The following SLC25A33 variants were observed in gnomAD, a reference collection of about 807,000 sequenced individuals.
SLC25A33 encodes solute carrier family 25 member 33.
In SLC25A33, 15 loss-of-function variants were observed where a neutral mutation model predicts 35.5. The ratio of observed to expected loss-of-function variants is 0.42; its 90% confidence interval spans 0.28 to 0.65. The LOEUF is 0.65. Ranked by LOEUF, SLC25A33 falls within the 30% of genes least tolerant of loss-of-function variation. The pLI, the probability that SLC25A33 is intolerant of heterozygous loss-of-function variation, is 0.20. For synonymous variants in SLC25A33, 136 were observed against 148.7 expected (o/e 0.91, Z 0.62); for missense variants, 257 against 398.5 (o/e 0.64, Z 3.02).
chr1:9,555,667 A>G (rs1356707032), intron 2 of SLC25A33, among the ~76,000 whole-genome samples: 1 of 151,876 alleles, frequency 6.6e-6, no homozygotes, highest in Non-Finnish European at 1.5e-5. Context: ...TCCAGGAGAA[A>G]TTGGGGTTTT....
chr1:9,582,688 TA>T lies in SLC25A33; in HGVS notation c.*188del. On this transcript the variant is annotated 3_prime_UTR_variant, in exon 7 of 7. Coordinates refer to ENST00000302692, the MANE Select transcript of SLC25A33 (RefSeq NM_032315.3). This position sits in a 1 kb window ranked among gnomAD's most constrained non-coding sequence, Gnocchi z 4.0. ...GAAGGTTTAAATTCATTAACGTTAA[TA>T]GTTAATTATAACTTTTTTTTTAACT... The T allele has an allele frequency of 1.7e-6, 1 of 599,836 alleles. No homozygotes were observed. The highest frequency in any genetic ancestry group is 2.9e-6 in the Non-Finnish European group (1 of 350,280). 37.2% of individuals were successfully genotyped at this position (599,836 alleles called of 1,614,324 possible). A position where few individuals can be genotyped will look rare whatever the true frequency, so the allele number is the denominator to read the frequency against.
intron 1 of SLC25A33, among the ~76,000 whole-genome samples, chr1:9,553,157 GCTGAGGTTCAACTAATTT>G (rs1043451573): frequency 4.7e-5 from 5 of 107,204 alleles, no homozygotes; most frequent in African/African-American, 1.4e-4. Flanking sequence ...CTCCCAAAGT[GCTGAGGTTCAACTAATTT>G]TATTAACCTT....
At chr1:9,573,298 G>A in intron 4 of SLC25A33, 48 bp from the exon 5 acceptor site, 1 of 1,342,002 alleles carries the variant, frequency 7.5e-7, no homozygotes, top group Non-Finnish European at 1.0e-6. Context: ...TCTTTAATAA[G>A]TATGGACTAT....
Position 9,575,212 on chromosome 1 carries a change from CAAAAAAAAAAAA to C in SLC25A33, c.482+1812_482+1823del, listed in dbSNP as rs909942057. On this transcript the variant is annotated intron_variant, in intron 5 of 6. Transcript: ENST00000302692. Reference sequence around the variant, plus strand: ...TGGGTGACAGAGCGAGACTCTGGCTCAAAAAAAAAAAAAAAAAAAAAAATAAGAACCCCTGTA... The same window carrying C: ...TGGGTGACAGAGCGAGACTCTGGCTCAAAAAAAAAAATAAGAACCCCTGTA... Among the ~76,000 whole-genome samples the C allele has an allele frequency of 6.8e-5, 4 of 58,722 alleles. No individual in the cohort carries two copies. In the South Asian group the frequency reaches 1.8e-3, roughly 27 times the overall value. The allele number at this position is 58,722 out of a possible 152,430, so 38.5% of individuals were successfully genotyped here.
intron 2 of SLC25A33, among the ~76,000 whole-genome samples, chr1:9,562,058 A>AG (rs1266695485): frequency 6.6e-6 from 1 of 151,316 alleles, no homozygotes; most frequent in Non-Finnish European, 1.5e-5. Context: ...TCAAAAAAAA[A>AG]AAAAAAGGGG....
At chr1:9,557,022 CT>C (rs1643354290) in intron 2 of SLC25A33, among the ~76,000 whole-genome samples, 1 of 152,180 alleles carries the variant, frequency 6.6e-6, no homozygotes, top group African/African-American at 2.4e-5. Flanking sequence ...CAACCTCCGC[CT>C]CCCAGGTTCA....
intron 1 of SLC25A33, 48 bp from the exon 2 acceptor site, chr1:9,553,578 T>G: frequency 6.3e-7 from 1 of 1,595,620 alleles, no homozygotes; most frequent in South Asian, 1.1e-5. Flanking sequence ...CATTCCATTG[T>G]GTAGGGAATA....
intron 1 of SLC25A33, among the ~76,000 whole-genome samples, chr1:9,547,488 CAG>C (rs1352620059): frequency 6.6e-6 from 1 of 151,704 alleles, no homozygotes; most frequent in Non-Finnish European, 1.5e-5. Flanking sequence ...CTTGTTAAGA[CAG>C]AGGAAGAGAG....
In SLC25A33 at chr1:9,584,437, T is replaced by G. The variant is rs1341360885; in HGVS notation, c.*1936T>G. The stretch of plus-strand genomic sequence containing the variant: ...TTTTGAGATGGAGTCTCGCTCTGTC[T>G]CTCCCAGGCTGGAGTGCAGTGGCAC... On this transcript the variant is annotated 3_prime_UTR_variant, in exon 7 of 7. Transcript: ENST00000302692. 4 of 152,428 alleles carry G rather than the reference T, an allele frequency of 2.6e-5. No homozygotes were observed. Among genetic ancestry groups the G allele is most frequent in the African/African-American group, 9.6e-5 (4 of 41,548 alleles). The allele number at this position is 152,428 out of a possible 1,614,324, so 9.4% of individuals were successfully genotyped here. A position where few individuals can be genotyped will look rare whatever the true frequency, so the allele number is the denominator to read the frequency against.
rs1412840743 is a variant in SLC25A33, at chr1:9,582,097, A to G, written c.764-202A>G. 1.3e-5 allele frequency among the ~76,000 whole-genome samples: 2 copies of G among 152,036 alleles called. No individual in the cohort carries two copies. The highest frequency in any genetic ancestry group is 3.9e-4 in the East Asian group (2 of 5,186). On this transcript the variant is annotated intron_variant, in intron 6 of 6. Transcript: ENST00000302692. The surrounding 1 kb of genome is among the most constrained non-coding windows in gnomAD (Gnocchi z 4.0). ...GCCTGGCTAATTTTTGTTTTTCAGT[A>G]GAGACGGGGTTTCACCATGTTGGCC...
Position 9,582,463 on chromosome 1 carries a change from G to T in SLC25A33, c.928G>T (p.Glu310Ter). 6.2e-7 allele frequency: 1 copy of T among 1,613,864 alleles called. No homozygotes were observed. Residue 310 changes from glutamate (E) to a stop codon, truncating the protein, a stop_gained, in exon 7 of 7, where the codon GAG (glutamate) becomes TAG (stop). Transcript: ENST00000302692. LOFTEE classifies it high-confidence loss of function. This position sits in a 1 kb window ranked among gnomAD's most constrained non-coding sequence, Gnocchi z 4.0. ...TACTGCCATTGTGTTGTCTACTTATGAGTTAATTGTGTACCTGTTAGAAGA... is the reference window on the plus strand; with the variant it reads ...TACTGCCATTGTGTTGTCTACTTATTAGTTAATTGTGTACCTGTTAGAAGA... ...PNTAIVLSTY[E>*]LIVYLLEDRT... is the part of the protein sequence containing the mutation.
chr1:9,582,683 G>A lies in SLC25A33; in HGVS notation c.*182G>A, dbSNP rs1569885455. On this transcript the variant is annotated 3_prime_UTR_variant, in exon 7 of 7. Coordinates refer to ENST00000302692, the MANE Select transcript of SLC25A33 (RefSeq NM_032315.3). The surrounding 1 kb of genome is among the most constrained non-coding windows in gnomAD (Gnocchi z 4.0). Reference sequence around the variant, plus strand: ...TTCTGGAAGGTTTAAATTCATTAACGTTAATAGTTAATTATAACTTTTTTT... The same window carrying A: ...TTCTGGAAGGTTTAAATTCATTAACATTAATAGTTAATTATAACTTTTTTT... 3 of 608,606 alleles carry A rather than the reference G, an allele frequency of 4.9e-6. No individual in the cohort carries two copies. The highest frequency in any genetic ancestry group is 3.3e-5 in the Admixed American group (1 of 30,624). 37.7% of individuals were successfully genotyped at this position (608,606 alleles called of 1,614,324 possible).
At position 9,553,686 on chromosome 1, in the gene SLC25A33, G is replaced by T; in HGVS notation, c.117G>T (p.Leu39Phe). 1 of 1,614,128 alleles carries T rather than the reference G, an allele frequency of 6.2e-7. No individual in the cohort carries two copies. Among genetic ancestry groups the T allele is most frequent in the Non-Finnish European group, 8.5e-7 (1 of 1,180,028 alleles). The change falls in exon 2 of 7, where the codon TTG becomes TTT. Residue 39 changes from leucine (L) to phenylalanine (F), a missense_variant. Leu to Phe is a conservative substitution (Grantham distance 22). Coordinates refer to ENST00000302692, the MANE Select transcript of SLC25A33 (RefSeq NM_032315.3). ...CACTAGAAGTCATTAAGACACGGTTGCAGTCTTCAAGATTAGCTCTCCGGA... is the reference window on the plus strand; with the variant it reads ...CACTAGAAGTCATTAAGACACGGTTTCAGTCTTCAAGATTAGCTCTCCGGA... The part of the protein sequence containing the change: ...TCPLEVIKTR[L>F]QSSRLALRTV...
intron 5 of SLC25A33, among the ~76,000 whole-genome samples, chr1:9,579,338 C>G (rs1643705802): frequency 7.1e-6 from 1 of 140,436 alleles, no homozygotes; most frequent in Non-Finnish European, 1.6e-5. Context: ...CACCCACTTA[C>G]CCACACACCA....
In SLC25A33 at chr1:9,584,275, A is replaced by G. The variant is rs1334402943; in HGVS notation, c.*1774A>G. The stretch of plus-strand genomic sequence containing the variant: ...TTCCAAGTTATTTTAAATTGAGTTT[A>G]CTTTTAACTGGGGTTCTTGACTCTA... On this transcript the variant is annotated 3_prime_UTR_variant, in exon 7 of 7. Transcript: ENST00000302692. 1 of 152,220 alleles carries G rather than the reference A, an allele frequency of 6.6e-6. No homozygotes were observed. The highest frequency in any genetic ancestry group is 2.4e-5 in the African/African-American group (1 of 41,458). The allele number at this position is 152,220 out of a possible 1,614,324, so 9.4% of individuals were successfully genotyped here.
chr1:9,575,783 C>G (rs1172638935), intron 5 of SLC25A33, among the ~76,000 whole-genome samples: 1 of 152,210 alleles, frequency 6.6e-6, no homozygotes, highest in East Asian at 1.9e-4. Flanking sequence ...TTCTAACATG[C>G]ATCAGGTATA....
At chr1:9,575,009 C>T (rs868040269) in intron 5 of SLC25A33, among the ~76,000 whole-genome samples, 1 of 151,630 alleles carries the variant, frequency 6.6e-6, no homozygotes, top group African/African-American at 2.4e-5. Context: ...GTCAGGAGAT[C>T]GAGACCAACC....
chr1:9,576,585 C>T, intron 5 of SLC25A33: 1 of 567,246 alleles, frequency 1.8e-6, no homozygotes, highest in Non-Finnish European at 3.5e-6. Context: ...TCTGGAGTGC[C>T]ACACGGTGGG....
At chr1:9,550,769 C>G (rs1240393236) in intron 1 of SLC25A33, among the ~76,000 whole-genome samples, 1 of 151,874 alleles carries the variant, frequency 6.6e-6, no homozygotes, top group Non-Finnish European at 1.5e-5. Context: ...GCCTCCTGGT[C>G]TTAAGCCATC....
Sources: allele counts gnomAD v4.1 joint callset (sites outside exome capture counted in the v4.1 genomes callset), GRCh38; gene constraint gnomAD v4.1.1; non-coding constraint Gnocchi (gnomAD v3.1); transcripts MANE v1.5; gene names NCBI Gene and HGNC (gene_info 2026-07-23, HGNC 2026-07-21).